Variants in EPHA3 observed in about 807,000 individuals in gnomAD.
The protein encoded by EPHA3 is ephrin type-A receptor 3.
Under a neutral mutation model 107.1 loss-of-function variants are expected in EPHA3, and 42 were observed. That is an observed-to-expected ratio of 0.39 (90% CI 0.31 to 0.51). The LOEUF is 0.51. Among genes scored for constraint, EPHA3 ranks in the 20% least tolerant of loss-of-function variants. EPHA3 has a pLI of 0.78. For synonymous variants in EPHA3, 461 were observed against 424.8 expected, an observed-to-expected ratio of 1.09 and a Z score of -1.05; for missense variants, 1,183 against 1,211.2, an observed-to-expected ratio of 0.98 and a Z score of 0.35.
chr3:89,472,999 T>C (rs1710437764), intron 16 of EPHA3, among the ~76,000 whole-genome samples: 1 of 152,340 alleles, frequency 6.6e-6, no homozygotes, highest in African/African-American at 2.4e-5. Context: ...TTATTTTTAC[T>C]AAAGCTTAAC....
At position 89,393,702 on chromosome 3, in the gene EPHA3, A is replaced by G. The variant is rs533454875; in HGVS notation, c.1307-2135A>G. ...TAGAAAATGCAAAATTTGAGTCCAA[A>G]GACACTGGGGCTGAAATTTTTTTAT... On this transcript the variant is annotated intron_variant, in intron 5 of 16. Transcript: ENST00000336596. Among the ~76,000 whole-genome samples the G allele has an allele frequency of 2.6e-5, 4 of 152,316 alleles. No individual in the cohort carries two copies. The South Asian group carries it at 8.3e-4, about 32-fold the overall frequency.
chr3:89,236,767 T>TCAC (rs1461955776), intron 3 of EPHA3, among the ~76,000 whole-genome samples: 5 of 152,204 alleles, frequency 3.3e-5, no homozygotes, highest in Non-Finnish European at 7.3e-5. Context: ...TTCACATCTA[T>TCAC]AATAGTAATT....
chr3:89,466,603 T>C (rs1489356323), intron 15 of EPHA3, among the ~76,000 whole-genome samples: 1 of 128,766 alleles, frequency 7.8e-6, no homozygotes, highest in Non-Finnish European at 1.7e-5. Flanking sequence ...TCCAGGTGCG[T>C]CCGTCACCCC....
At chr3:89,394,614 TA>T (rs1316265986) in intron 5 of EPHA3, among the ~76,000 whole-genome samples, 1 of 152,200 alleles carries the variant, frequency 6.6e-6, no homozygotes, top group Non-Finnish European at 1.5e-5. Flanking sequence ...GAAAAGTGTT[TA>T]TAGATAGGAA....
intron 3 of EPHA3, among the ~76,000 whole-genome samples, chr3:89,323,181 T>C (rs1226766888): frequency 6.6e-6 from 1 of 152,088 alleles, no homozygotes. Context: ...TTTAAAAATG[T>C]TTATACACAA....
intron 3 of EPHA3, among the ~76,000 whole-genome samples, chr3:89,304,914 T>C (rs988244257): frequency 3.3e-5 from 5 of 152,160 alleles, no homozygotes; most frequent in African/African-American, 1.2e-4. Context: ...ATTTAAGGAA[T>C]TTATAAATGC....
At chr3:89,204,131 G>A (rs1706043026) in intron 2 of EPHA3, among the ~76,000 whole-genome samples, 1 of 152,034 alleles carries the variant, frequency 6.6e-6, no homozygotes, top group South Asian at 2.1e-4. Context: ...TACTTTGTTG[G>A]CTTTCCTCAT....
chr3:89,381,399 A>T (rs1307835159), intron 5 of EPHA3, among the ~76,000 whole-genome samples: 1 of 151,312 alleles, frequency 6.6e-6, no homozygotes, highest in Admixed American at 6.6e-5. Context: ...GCGTGGTATG[A>T]TGGCTCATGC....
intron 3 of EPHA3, among the ~76,000 whole-genome samples, chr3:89,330,226 A>G (rs1324858080): frequency 1.3e-5 from 2 of 151,976 alleles, no homozygotes; most frequent in African/African-American, 4.8e-5. Flanking sequence ...TACCATAAAC[A>G]TAAAAATAAA....
At chr3:89,379,044 G>GC (rs139268987) in intron 5 of EPHA3, among the ~76,000 whole-genome samples, 2,436 of 152,254 alleles carry the variant, frequency 0.016, 68 homozygotes, top group African/African-American at 0.055. Context: ...AATCCTGTGT[G>GC]CTGGAACTAA....
At chr3:89,401,923 A>G (rs913000821) in intron 7 of EPHA3, among the ~76,000 whole-genome samples, 6 of 152,300 alleles carry the variant, frequency 3.9e-5, no homozygotes, top group African/African-American at 7.2e-5. Flanking sequence ...AACAAAATCT[A>G]TATTTGATTT....
At chr3:89,202,312 T>C (rs1705986672) in intron 2 of EPHA3, among the ~76,000 whole-genome samples, 1 of 151,558 alleles carries the variant, frequency 6.6e-6, no homozygotes, top group African/African-American at 2.4e-5. Flanking sequence ...CTGGCCAACA[T>C]GGCAAAACAC....
chr3:89,235,967 C>T (rs1704750049), intron 3 of EPHA3, among the ~76,000 whole-genome samples: 1 of 151,912 alleles, frequency 6.6e-6, no homozygotes, highest in Non-Finnish European at 1.5e-5. Flanking sequence ...ATTCAATAAA[C>T]ATGGGAAGAA....
intron 2 of EPHA3, among the ~76,000 whole-genome samples, chr3:89,129,504 T>G (rs535184324): frequency 6.6e-6 from 1 of 152,014 alleles, no homozygotes; most frequent in East Asian, 1.9e-4. Context: ...TGTTCTGTGG[T>G]GATATATAGT....
intron 2 of EPHA3, among the ~76,000 whole-genome samples, chr3:89,202,293 G>C (rs1287850265): frequency 6.6e-6 from 1 of 151,812 alleles, no homozygotes; most frequent in South Asian, 2.1e-4. Context: ...CCAGGGGTTA[G>C]AGACCAGCCT....
At chr3:89,339,573 T>G (rs1707471213) in intron 3 of EPHA3, among the ~76,000 whole-genome samples, 1 of 152,138 alleles carries the variant, frequency 6.6e-6, no homozygotes, top group Non-Finnish European at 1.5e-5. Flanking sequence ...TTCCAGTAGT[T>G]TATTTTGGCA....
At chr3:89,170,213 G>A (rs1445353941) in intron 2 of EPHA3, among the ~76,000 whole-genome samples, 4 of 149,742 alleles carry the variant, frequency 2.7e-5, no homozygotes, top group African/African-American at 9.9e-5. Flanking sequence ...CAGAGATCGC[G>A]CCACTGCACT....
At chr3:89,161,506 A>G (rs1386940554) in intron 2 of EPHA3, among the ~76,000 whole-genome samples, 2 of 152,114 alleles carry the variant, frequency 1.3e-5, no homozygotes, top group Non-Finnish European at 1.5e-5. Context: ...TCATATAAAG[A>G]GCTTCCTTGT....
chr3:89,418,490 A>C (rs1445382802), intron 10 of EPHA3, among the ~76,000 whole-genome samples: 1 of 151,482 alleles, frequency 6.6e-6, no homozygotes, highest in Non-Finnish European at 1.5e-5. Flanking sequence ...ACTGGACTAT[A>C]ATATTTAAAA....
Sources: gnomAD v4.1 joint callset for allele counts (sites outside exome capture counted in the v4.1 genomes callset) on GRCh38, gnomAD v4.1.1 for gene constraint, MANE v1.5 for transcripts, NCBI Gene and HGNC (gene_info 2026-07-23, HGNC 2026-07-21) for gene names.